LRP1B: variants seen among roughly 807,000 people sequenced by gnomAD.
LRP1B encodes LDL receptor related protein 1B.
A neutral mutation model predicts 556.6 loss-of-function variants in LRP1B; 217 were observed. The observed-to-expected ratio is 0.39, with a 90% CI of 0.35 to 0.44. The LOEUF is 0.44. Among genes scored for constraint, LRP1B ranks in the 20% least tolerant of loss-of-function variants. The pLI, the probability that LRP1B is intolerant of heterozygous loss-of-function variation, is 1.00. For synonymous variants in LRP1B, 2,047 were observed against 1,865.8 expected (o/e 1.10, Z -2.50); for missense variants, 5,053 against 5,620.8 (o/e 0.90, Z 3.23).
At chr2:141,929,912 C>CAAAAA (rs70994467) in intron 1 of LRP1B, among the ~76,000 whole-genome samples, 2 of 104,134 alleles carry the variant, frequency 1.9e-5, no homozygotes, top group African/African-American at 3.8e-5. Flanking sequence ...CGGATGGAAA[C>CAAAAA]AAAAAAAAAA....
chr2:140,608,755 C>A (rs1301366386), intron 41 of LRP1B, among the ~76,000 whole-genome samples: 1 of 152,150 alleles, frequency 6.6e-6, no homozygotes, highest in East Asian at 1.9e-4. Context: ...ACAACAACAA[C>A]AAAACAATTT....
intron 1 of LRP1B, among the ~76,000 whole-genome samples, chr2:142,104,584 T>C: frequency 6.6e-6 from 1 of 152,110 alleles, no homozygotes. Flanking sequence ...TGCAGAATCA[T>C]AAAGGTATTT....
At chr2:141,265,433 G>T (rs1023463376) in intron 3 of LRP1B, among the ~76,000 whole-genome samples, 1 of 152,182 alleles carries the variant, frequency 6.6e-6, no homozygotes, top group African/African-American at 2.4e-5. Flanking sequence ...AGGCCCTCAT[G>T]CTGTCCCTGA....
At chr2:141,596,028 C>A (rs1297405915) in intron 2 of LRP1B, among the ~76,000 whole-genome samples, 1 of 151,842 alleles carries the variant, frequency 6.6e-6, no homozygotes, top group Non-Finnish European at 1.5e-5. Context: ...AGTACATATA[C>A]CATTATAAAA....
At chr2:140,280,806 T>A (rs1682882812) in intron 84 of LRP1B, among the ~76,000 whole-genome samples, 1 of 151,774 alleles carries the variant, frequency 6.6e-6, no homozygotes, top group Admixed American at 6.6e-5. Context: ...AGTCTATATA[T>A]GGTAAGAAGG....
Position 140,966,377 on chromosome 2 carries a change from T to G in LRP1B, c.2888-14437A>C, listed in dbSNP as rs1573931009. On this transcript the variant is annotated intron_variant, in intron 18 of 90. Transcript: ENST00000389484. ...TTTGAGAAGTGTCTGTTCATATCCT[T>G]CACCCACTTTTTGATAGGGTTGTTT... Among the ~76,000 whole-genome samples, 3 of 152,334 alleles carry G rather than the reference T, an allele frequency of 2.0e-5. No individual in the cohort carries two copies. In the East Asian group the frequency reaches 5.8e-4, roughly 29 times the overall value.
intron 35 of LRP1B, among the ~76,000 whole-genome samples, chr2:140,741,197 T>A (rs1688125716): frequency 2.0e-5 from 3 of 152,194 alleles, no homozygotes; most frequent in South Asian, 2.1e-4. Flanking sequence ...TTGTATTACA[T>A]CAGCTTCACA....
chr2:140,530,016 G>A (rs946608440), intron 47 of LRP1B, among the ~76,000 whole-genome samples: 7 of 151,982 alleles, frequency 4.6e-5, no homozygotes, highest in Admixed American at 6.6e-5. Flanking sequence ...GCAATTCATT[G>A]CAACACCCTT....
intron 66 of LRP1B, among the ~76,000 whole-genome samples, chr2:140,413,024 ACT>A (rs1475846865): frequency 1.3e-5 from 2 of 152,130 alleles, no homozygotes. Flanking sequence ...TTAAGAAAAC[ACT>A]CTATAATCTA....
intron 10 of LRP1B, among the ~76,000 whole-genome samples, chr2:141,049,828 C>T (rs1414388942): frequency 1.3e-5 from 2 of 151,970 alleles, no homozygotes; most frequent in Non-Finnish European, 2.9e-5. Context: ...ATGTTAGAGG[C>T]TGATGCTGTC....
At chr2:141,647,527 A>T (rs909087392) in intron 2 of LRP1B, among the ~76,000 whole-genome samples, 9 of 152,184 alleles carry the variant, frequency 5.9e-5, no homozygotes, top group African/African-American at 2.2e-4. Flanking sequence ...CGTGGTTGAG[A>T]ATAGACATGC....
chr2:140,852,328 A>T lies in LRP1B; in HGVS notation c.4580-545T>A, dbSNP rs145626693. ...GGTGACAGAGTGAGACTCCATCTCA[A>T]AAAGAAACAAACAAAAAAAGACGTC... On this transcript the variant is annotated intron_variant, in intron 27 of 90. Coordinates refer to ENST00000389484, the MANE Select transcript of LRP1B (RefSeq NM_018557.3). 4.8e-3 allele frequency among the ~76,000 whole-genome samples: 731 copies of T among 152,358 alleles called. 13 individuals carry two copies. The highest frequency in any genetic ancestry group is 0.025 in the Admixed American group (381 of 15,310).
intron 84 of LRP1B, among the ~76,000 whole-genome samples, chr2:140,296,798 CT>C (rs1683623382): frequency 6.6e-6 from 1 of 152,060 alleles, no homozygotes; most frequent in Non-Finnish European, 1.5e-5. Context: ...ATTAACTTGA[CT>C]TTCATAAAAG....
intron 22 of LRP1B, among the ~76,000 whole-genome samples, chr2:140,903,969 TA>T (rs1350043826): frequency 6.6e-6 from 1 of 152,076 alleles, no homozygotes; most frequent in African/African-American, 2.4e-5. Flanking sequence ...GATTAGCTTG[TA>T]AAAAAGATTA....
intron 66 of LRP1B, among the ~76,000 whole-genome samples, chr2:140,433,322 T>TG (rs1301248495): frequency 6.6e-6 from 1 of 152,172 alleles, no homozygotes; most frequent in African/African-American, 2.4e-5. Flanking sequence ...GGTCTTGAAC[T>TG]CCTGACATCA....
chr2:140,456,206 T>A (rs1687100516), intron 62 of LRP1B, among the ~76,000 whole-genome samples: 1 of 152,216 alleles, frequency 6.6e-6, no homozygotes, highest in South Asian at 2.1e-4. Context: ...TTTGAGTCAT[T>A]ATTTATGTGG....
Position 141,639,427 on chromosome 2 carries a change from T to C in LRP1B, c.206-158894A>G, listed in dbSNP as rs1265447532. On this transcript the variant is annotated intron_variant, in intron 2 of 90. Transcript: ENST00000389484. ...ATATGTGTATATATATATATATTTTTTTTTGAGACAGAGTCTCACTCTGTC... is the reference window on the plus strand; with the variant it reads ...ATATGTGTATATATATATATATTTTCTTTTGAGACAGAGTCTCACTCTGTC... Among the ~76,000 whole-genome samples the C allele has an allele frequency of 2.1e-5, 3 of 142,082 alleles. No homozygotes were observed. The Admixed American group carries it at 2.2e-4, about 10-fold the overall frequency. The allele number at this position is 142,082 out of a possible 152,430, so 93.2% of individuals were successfully genotyped here. A position where few individuals can be genotyped will look rare whatever the true frequency, so the allele number is the denominator to read the frequency against.
intron 3 of LRP1B, among the ~76,000 whole-genome samples, chr2:141,409,261 G>A (rs1200032023): frequency 1.3e-5 from 2 of 152,086 alleles, no homozygotes; most frequent in South Asian, 2.1e-4. Flanking sequence ...TATGCACAGC[G>A]GAAAAACTGC....
intron 60 of LRP1B, among the ~76,000 whole-genome samples, chr2:140,463,406 T>C (rs983036851): frequency 4.6e-5 from 7 of 152,140 alleles, no homozygotes; most frequent in African/African-American, 1.2e-4. Flanking sequence ...GCAAACCATT[T>C]AAAAAAATTA....
Sources: allele counts gnomAD v4.1 joint callset (sites outside exome capture counted in the v4.1 genomes callset), GRCh38; gene constraint gnomAD v4.1.1; transcripts MANE v1.5; gene names NCBI Gene and HGNC (gene_info 2026-07-23, HGNC 2026-07-21).